Variants in CDS2 observed in about 807,000 individuals in gnomAD.
CDS2 encodes phosphatidate cytidylyltransferase 2.
CDS2 carries 47 observed loss-of-function variants against 59.0 expected under a neutral mutation model. The observed-to-expected ratio is 0.80, with a 90% CI of 0.63 to 1.02. The LOEUF is 1.02. Ranked by LOEUF, CDS2 falls within the 50% of genes least tolerant of loss-of-function variation. The pLI is 0.00. For missense variants in CDS2, 356 were observed against 558.9 expected, an observed-to-expected ratio of 0.64 and a Z score of 3.66; for synonymous variants, 207 against 206.4, an observed-to-expected ratio of 1.00 and a Z score of -0.02.
At chr20:5,152,146 A>G (rs756596181) in intron 1 of CDS2, among the ~76,000 whole-genome samples, 14 of 151,902 alleles carry the variant, frequency 9.2e-5, no homozygotes, top group Non-Finnish European at 1.9e-4. Context: ...CGTTGGTGAC[A>G]TTGATACAAG....
intron 10 of CDS2, among the ~76,000 whole-genome samples, chr20:5,188,642 G>A (rs1468453857): frequency 6.6e-6 from 1 of 152,170 alleles, no homozygotes; most frequent in African/African-American, 2.4e-5. Flanking sequence ...CTTGGGGCTG[G>A]GTAATTTACA....
chr20:5,168,104 T>G (rs2090925797), intron 1 of CDS2, among the ~76,000 whole-genome samples: 1 of 152,108 alleles, frequency 6.6e-6, no homozygotes, highest in Non-Finnish European at 1.5e-5. Flanking sequence ...CAGAGCTGAG[T>G]CATTATCTGG....
intron 1 of CDS2, among the ~76,000 whole-genome samples, chr20:5,166,870 G>A (rs2090916805): frequency 6.6e-6 from 1 of 152,226 alleles, no homozygotes; most frequent in Non-Finnish European, 1.5e-5. Context: ...GAGGGGACAT[G>A]AAATGTCGAC....
At position 5,190,296 on chromosome 20, in the gene CDS2, C is replaced by T; in HGVS notation, c.*62C>T. On this transcript the variant is annotated 3_prime_UTR_variant, in exon 13 of 13. Coordinates refer to ENST00000460006, the MANE Select transcript of CDS2 (RefSeq NM_003818.4). ...AGCAGGGGCAGGTCTCCAAGGCAAGCCCAGCTGGTGTGACTTAGACAATGA... is the reference window on the plus strand; with the variant it reads ...AGCAGGGGCAGGTCTCCAAGGCAAGTCCAGCTGGTGTGACTTAGACAATGA... 2 of 1,518,582 alleles carry T rather than the reference C, an allele frequency of 1.3e-6. No individual in the cohort carries two copies. The highest frequency in any genetic ancestry group is 1.8e-6 in the Non-Finnish European group (2 of 1,117,884). 94.1% of individuals were successfully genotyped at this position (1,518,582 alleles called of 1,614,324 possible). A position where few individuals can be genotyped will look rare whatever the true frequency, so the allele number is the denominator to read the frequency against.
chr20:5,193,447 C>T lies in CDS2; in HGVS notation c.*3213C>T, dbSNP rs1374431511. The T allele has an allele frequency of 1.3e-5, 2 of 152,076 alleles. No homozygotes were observed. Among genetic ancestry groups the T allele is most frequent in the Non-Finnish European group, 2.9e-5 (2 of 67,996 alleles). The allele number at this position is 152,076 out of a possible 1,614,324, so 9.4% of individuals were successfully genotyped here. On this transcript the variant is annotated 3_prime_UTR_variant, in exon 13 of 13. Coordinates refer to ENST00000460006, the MANE Select transcript of CDS2 (RefSeq NM_003818.4). ...GAATCCATTTTTATAGAATTTTTTT[C>T]CACTGTAACTTGACCTATATTATGC...
At chr20:5,161,693 T>A (rs1396172655) in intron 1 of CDS2, among the ~76,000 whole-genome samples, 2 of 152,230 alleles carry the variant, frequency 1.3e-5, no homozygotes, top group Non-Finnish European at 2.9e-5. Context: ...AATTTTTCCT[T>A]GTTAGGGACA....
intron 10 of CDS2, chr20:5,187,135 C>G (rs1022418192): frequency 2.9e-6 from 1 of 340,142 alleles, no homozygotes; most frequent in South Asian, 4.0e-5. Flanking sequence ...ACAACTGTTT[C>G]ATAATTAGAC....
At chr20:5,133,030 C>G (rs1249638583) in intron 1 of CDS2, among the ~76,000 whole-genome samples, 1 of 150,232 alleles carries the variant, frequency 6.7e-6, no homozygotes, top group Non-Finnish European at 1.5e-5. Flanking sequence ...AAAAAATTAG[C>G]TGGGTGTGGT....
intron 1 of CDS2, among the ~76,000 whole-genome samples, chr20:5,167,669 C>T (rs1281697644): frequency 2.0e-5 from 3 of 152,172 alleles, no homozygotes; most frequent in Non-Finnish European, 4.4e-5. Flanking sequence ...ATAAACCCAT[C>T]TCTGGTAATT....
intron 1 of CDS2, among the ~76,000 whole-genome samples, chr20:5,162,289 A>G (rs2090881156): frequency 6.6e-6 from 1 of 152,110 alleles, no homozygotes; most frequent in Non-Finnish European, 1.5e-5. Flanking sequence ...TGAATTTAGG[A>G]TTTTCTGATT....
chr20:5,151,465 T>C (rs1568532604), intron 1 of CDS2, among the ~76,000 whole-genome samples: 1 of 152,184 alleles, frequency 6.6e-6, no homozygotes, highest in Non-Finnish European at 1.5e-5. Context: ...AACTAAGATT[T>C]AAAATGCAGT....
intron 1 of CDS2, among the ~76,000 whole-genome samples, chr20:5,152,390 C>T (rs1399952704): frequency 6.6e-6 from 1 of 152,124 alleles, no homozygotes; most frequent in Non-Finnish European, 1.5e-5. Flanking sequence ...TCCTGTTTAT[C>T]TTGGTGTACT....
intron 1 of CDS2, among the ~76,000 whole-genome samples, chr20:5,136,164 G>A (rs759554889): frequency 6.6e-6 from 1 of 152,158 alleles, no homozygotes; most frequent in Non-Finnish European, 1.5e-5. Context: ...TATCTCCACA[G>A]TCCATGCCTG....
At chr20:5,186,869 C>G in intron 10 of CDS2, 30 bp downstream of exon 10, 2 of 1,611,974 alleles carry the variant, frequency 1.2e-6, no homozygotes, top group Non-Finnish European at 1.7e-6. Flanking sequence ...GGTGAGCGGC[C>G]TCCATGGACA....
intron 1 of CDS2, among the ~76,000 whole-genome samples, chr20:5,159,020 A>G (rs1180106038): frequency 1.3e-5 from 2 of 152,178 alleles, no homozygotes; most frequent in Admixed American, 1.3e-4. Flanking sequence ...TTGCGATGGA[A>G]CAGAAGGATA....
intron 1 of CDS2, among the ~76,000 whole-genome samples, chr20:5,140,876 C>A (rs1452480340): frequency 6.6e-6 from 1 of 152,166 alleles, no homozygotes; most frequent in African/African-American, 2.4e-5. Context: ...ATAGGAAATT[C>A]AAGAGACTGA....
At chr20:5,135,416 C>T (rs1180683619) in intron 1 of CDS2, among the ~76,000 whole-genome samples, 1 of 152,176 alleles carries the variant, frequency 6.6e-6, no homozygotes, top group Non-Finnish European at 1.5e-5. Context: ...TGGACTGGCA[C>T]TAGAGGCTGT....
At chr20:5,183,265 T>TA in intron 7 of CDS2, 122 bp downstream of exon 7, 1 of 752,268 alleles carries the variant, frequency 1.3e-6, no homozygotes, top group South Asian at 1.7e-5. Context: ...GGGTTCATTA[T>TA]AGCACAGATT....
At chr20:5,185,969 T>A in intron 9 of CDS2, 143 bp downstream of exon 9, 1 of 753,182 alleles carries the variant, frequency 1.3e-6, no homozygotes, top group Non-Finnish European at 2.2e-6. Context: ...AGAGGGCCAC[T>A]GGCCATGCCA....
Sources: gnomAD v4.1 joint callset for allele counts (sites outside exome capture counted in the v4.1 genomes callset) on GRCh38, gnomAD v4.1.1 for gene constraint, MANE v1.5 for transcripts, NCBI Gene and HGNC (gene_info 2026-07-23, HGNC 2026-07-21) for gene names.